The following PTPRT variants were observed in gnomAD, a reference collection of about 807,000 sequenced individuals.
PTPRT encodes protein tyrosine phosphatase receptor type T, also known as receptor-type tyrosine-protein phosphatase T.
Under a neutral mutation model 176.8 loss-of-function variants are expected in PTPRT, and 56 were observed. The ratio of observed to expected loss-of-function variants is 0.32; its 90% CI spans 0.26 to 0.40. The LOEUF is 0.40. Ranked by LOEUF, PTPRT falls within the 10% of genes least tolerant of loss-of-function variation. The pLI, the probability that PTPRT is intolerant of heterozygous loss-of-function variation, is 1.00. For synonymous variants in PTPRT, 783 were observed against 739.0 expected (o/e 1.06, Z -0.96); for missense variants, 1,540 against 1,908.2 (o/e 0.81, Z 3.60).
intron 2 of PTPRT, among the ~76,000 whole-genome samples, chr20:42,845,260 A>T (rs113804982): frequency 4.0e-4 from 59 of 147,268 alleles, no homozygotes; most frequent in African/African-American, 1.4e-3. Flanking sequence ...GGGAAAGCTA[A>T]AGGGCTGTCT....
At chr20:42,055,459 G>C in the PTPRT span, among the ~76,000 whole-genome samples, 2 of 152,198 alleles carry the variant, frequency 1.3e-5, no homozygotes, top group Non-Finnish European at 2.9e-5. Context: ...ATGGAGAGAG[G>C]GGGCAGAGCT....
At chr20:42,530,236 C>T (rs540206643) in intron 7 of PTPRT, among the ~76,000 whole-genome samples, 1 of 152,192 alleles carries the variant, frequency 6.6e-6, no homozygotes, top group Non-Finnish European at 1.5e-5. Context: ...CTGAAAGGAG[C>T]CCAGCCTTTA....
At chr20:42,987,827 C>T (rs1233052998) in intron 1 of PTPRT, among the ~76,000 whole-genome samples, 2 of 152,256 alleles carry the variant, frequency 1.3e-5, no homozygotes, top group South Asian at 2.1e-4. Context: ...ACTTATGAAA[C>T]GTGTAACATC....
At chr20:42,082,164 G>T in intron 29 of PTPRT, 147 bp from the exon 30 acceptor site, 3 of 1,208,912 alleles carry the variant, frequency 2.5e-6, no homozygotes, top group African/African-American at 1.5e-5. Context: ...TGAGCCATGA[G>T]TTATGGTTTG....
intron 2 of PTPRT, among the ~76,000 whole-genome samples, chr20:42,860,237 C>CA (rs2078638414): frequency 1.3e-5 from 2 of 152,144 alleles, no homozygotes; most frequent in African/African-American, 4.8e-5. Flanking sequence ...ACACACACCC[C>CA]TCTGTTTTAA....
At chr20:42,352,783 T>A (rs566135329) in intron 9 of PTPRT, among the ~76,000 whole-genome samples, 1 of 152,200 alleles carries the variant, frequency 6.6e-6, no homozygotes. Flanking sequence ...TCTATCGAGA[T>A]ATGATTATTA....
intron 19 of PTPRT, among the ~76,000 whole-genome samples, chr20:42,125,137 A>G (rs1600554953): frequency 6.6e-6 from 1 of 152,058 alleles, no homozygotes; most frequent in East Asian, 1.9e-4. Flanking sequence ...ACTCCCTACT[A>G]TTGTTAGCCT....
At chr20:42,695,041 G>T (rs1400366420) in intron 6 of PTPRT, among the ~76,000 whole-genome samples, 1 of 152,082 alleles carries the variant, frequency 6.6e-6, no homozygotes, top group Admixed American at 6.6e-5. Flanking sequence ...AGGCGGGAGG[G>T]TGAAATATCT....
chr20:42,576,295 C>T (rs112748202), intron 7 of PTPRT, among the ~76,000 whole-genome samples: 145 of 152,316 alleles, frequency 9.5e-4, no homozygotes, highest in African/African-American at 3.2e-3. Flanking sequence ...TGAGGCAGTG[C>T]TGAGTGCCTT....
At chr20:43,059,869 C>T (rs1987383595) in intron 1 of PTPRT, among the ~76,000 whole-genome samples, 1 of 151,980 alleles carries the variant, frequency 6.6e-6, no homozygotes, top group South Asian at 2.1e-4. Context: ...ATCCCAGCTA[C>T]TCAGGAGGCT....
intron 19 of PTPRT, among the ~76,000 whole-genome samples, 155 bp from the exon 20 acceptor site, chr20:42,120,126 A>G (rs1178688935): frequency 6.6e-6 from 1 of 152,198 alleles, no homozygotes; most frequent in Non-Finnish European, 1.5e-5. Flanking sequence ...GTTAAATGAG[A>G]TATTGCACAT....
At chr20:42,790,634 T>C (rs1041173106) in intron 3 of PTPRT, among the ~76,000 whole-genome samples, 41 of 152,206 alleles carry the variant, frequency 2.7e-4, no homozygotes, top group Non-Finnish European at 1.3e-4. Context: ...TGCCATAGTC[T>C]ATCATCCACC....
At chr20:42,305,344 C>G (rs935271321) in intron 12 of PTPRT, among the ~76,000 whole-genome samples, 1 of 151,548 alleles carries the variant, frequency 6.6e-6, no homozygotes, top group Non-Finnish European at 1.5e-5. Flanking sequence ...GAGTGTGACT[C>G]TGTCTCAAAA....
intron 7 of PTPRT, among the ~76,000 whole-genome samples, chr20:42,653,904 C>A (rs1207673778): frequency 1.3e-5 from 2 of 152,148 alleles, no homozygotes; most frequent in African/African-American, 4.8e-5. Context: ...ATAACGAATT[C>A]TTGTTAGCTT....
At chr20:43,003,528 A>G (rs1054014642) in intron 1 of PTPRT, among the ~76,000 whole-genome samples, 1 of 152,146 alleles carries the variant, frequency 6.6e-6, no homozygotes, top group African/African-American at 2.4e-5. Flanking sequence ...GTCCCTTAGA[A>G]CCTTGCTACA....
intron 2 of PTPRT, among the ~76,000 whole-genome samples, chr20:42,830,660 CCT>C (rs1290740356): frequency 3.9e-5 from 6 of 151,988 alleles, no homozygotes; most frequent in African/African-American, 7.2e-5. Flanking sequence ...TCAAACTCCC[CCT>C]GTTTGCATAC....
chr20:42,606,062 G>A (rs571941842), intron 7 of PTPRT, among the ~76,000 whole-genome samples: 79 of 152,264 alleles, frequency 5.2e-4, no homozygotes, highest in Non-Finnish European at 9.6e-4. Context: ...TAACAGAATC[G>A]CCAGTGATTC....
chr20:42,901,460 G>A (rs2079402597), intron 1 of PTPRT, among the ~76,000 whole-genome samples: 1 of 152,026 alleles, frequency 6.6e-6, no homozygotes, highest in Admixed American at 6.6e-5. Context: ...AAACACTTGT[G>A]TATGTCCACA....
At chr20:42,193,047 A>G (rs952873744) in intron 16 of PTPRT, among the ~76,000 whole-genome samples, 1 of 152,228 alleles carries the variant, frequency 6.6e-6, no homozygotes, top group African/African-American at 2.4e-5. Context: ...AGAGACCGCT[A>G]AAGGTCAAAG....
Sources: gnomAD v4.1 joint callset for allele counts (sites outside exome capture counted in the v4.1 genomes callset) on GRCh38, gnomAD v4.1.1 for gene constraint, MANE v1.5 for transcripts, NCBI Gene and HGNC (gene_info 2026-07-23, HGNC 2026-07-21) for gene names.